The following VWA3B variants were observed in gnomAD, a reference collection of about 807,000 sequenced individuals.
VWA3B encodes von Willebrand factor A domain-containing protein 3B.
A neutral mutation model predicts 158.3 loss-of-function variants in VWA3B; 138 were observed. The observed-to-expected ratio is 0.87, with a 90% CI of 0.76 to 1.00. The LOEUF (loss-of-function observed/expected upper bound fraction) is 1.00. Among genes scored for constraint, VWA3B ranks in the 50% least tolerant of loss-of-function variants. VWA3B has a pLI of 0.00. For synonymous variants in VWA3B, 596 were observed against 587.3 expected (o/e 1.01, Z -0.21); for missense variants, 1,555 against 1,565.1 (o/e 0.99, Z 0.11).
chr2:98,212,094 G>T, intron 13 of VWA3B, 66 bp downstream of exon 13: 1 of 1,463,652 alleles, frequency 6.8e-7, no homozygotes, highest in African/African-American at 1.4e-5. Flanking sequence ...CTGGAAATGG[G>T]TCTGGGGGAC....
intron 7 of VWA3B, among the ~76,000 whole-genome samples, chr2:98,146,135 A>G (rs1482692507): frequency 1.5e-4 from 23 of 152,048 alleles, no homozygotes; most frequent in Admixed American, 1.4e-3. Context: ...CAGGGAGATG[A>G]TGGCTTCATA....
intron 14 of VWA3B, among the ~76,000 whole-genome samples, chr2:98,222,174 G>T (rs1346879972): frequency 6.6e-6 from 1 of 152,124 alleles, no homozygotes; most frequent in African/African-American, 2.4e-5. Flanking sequence ...TGCTAGGTGG[G>T]CTACTCATAC....
chr2:98,224,615 G>A (rs919282171), intron 14 of VWA3B, among the ~76,000 whole-genome samples: 7 of 151,816 alleles, frequency 4.6e-5, no homozygotes, highest in Non-Finnish European at 1.0e-4. Flanking sequence ...ATAACCTGAA[G>A]GAAGGCAAGG....
At chr2:98,099,929 T>C (rs1432999172) in intron 2 of VWA3B, among the ~76,000 whole-genome samples, 8 of 152,194 alleles carry the variant, frequency 5.3e-5, no homozygotes, top group African/African-American at 1.7e-4. Flanking sequence ...CCAATCTCTC[T>C]GACATTTTTT....
intron 23 of VWA3B, among the ~76,000 whole-genome samples, chr2:98,297,297 G>T (rs992091015): frequency 6.6e-6 from 1 of 152,080 alleles, no homozygotes. Flanking sequence ...AGCCAGGCTG[G>T]TCTTGAACTC....
At chr2:98,288,128 A>C (rs1558764066) in intron 22 of VWA3B, among the ~76,000 whole-genome samples, 1 of 152,192 alleles carries the variant, frequency 6.6e-6, no homozygotes, top group African/African-American at 2.4e-5. Context: ...TTGGGACTCT[A>C]TTGATTGCCT....
Position 98,162,835 on chromosome 2 carries a change from G to A in VWA3B, c.989-16G>A, listed in dbSNP as rs371601043. On this transcript the variant is annotated splice_polypyrimidine_tract_variant and intron_variant, in intron 7 of 27. Coordinates refer to ENST00000477737, the MANE Select transcript of VWA3B (RefSeq NM_144992.5). ...CCTGTCTCAGCCGGCCGCTCATGCT[G>A]TGTCTCCCCTTTTAGGAGCTGGAGT... 1.2e-4 allele frequency: 194 copies of A among 1,612,832 alleles called. No individual in the cohort carries two copies. The highest frequency in any genetic ancestry group is 3.0e-4 in the Admixed American group (18 of 59,980).
chr2:98,282,971 T>C lies in VWA3B; in HGVS notation c.3046-7540T>C, dbSNP rs575778187. Among the ~76,000 whole-genome samples, 16 of 152,350 alleles carry C rather than the reference T, an allele frequency of 1.1e-4. 1 individual carries two copies. The South Asian group carries it at 3.3e-3, about 32-fold the overall frequency. ...GAATGGCTATTCTCTATCAGAAGAATTGGGAAGTGAGTGATAACTATAGAA... is the reference window on the plus strand; with the variant it reads ...GAATGGCTATTCTCTATCAGAAGAACTGGGAAGTGAGTGATAACTATAGAA... On this transcript the variant is annotated intron_variant, in intron 22 of 27. Transcript: ENST00000477737.
intron 20 of VWA3B, among the ~76,000 whole-genome samples, chr2:98,252,421 C>T (rs766956023): frequency 6.6e-6 from 1 of 152,076 alleles, no homozygotes; most frequent in Non-Finnish European, 1.5e-5. Context: ...ATATTTGAGT[C>T]CTATAATTAC....
the VWA3B span, among the ~76,000 whole-genome samples, chr2:98,321,836 T>C: frequency 6.6e-6 from 1 of 152,138 alleles, no homozygotes; most frequent in Non-Finnish European, 1.5e-5. Flanking sequence ...GGGCTAGTGG[T>C]GGAATGATAT....
At chr2:98,290,731 G>A in intron 23 of VWA3B, 109 bp downstream of exon 23, 2 of 758,256 alleles carry the variant, frequency 2.6e-6, no homozygotes, top group Middle Eastern at 4.7e-4. Context: ...TCATGAGCTG[G>A]CCTGAGCTAG....
At chr2:98,329,365 C>G in the VWA3B span, among the ~76,000 whole-genome samples, 1 of 151,912 alleles carries the variant, frequency 6.6e-6, no homozygotes, top group African/African-American at 2.4e-5. Flanking sequence ...AACTTCTACT[C>G]AAAAAAAGAT....
chr2:98,312,447 G>A lies in VWA3B; in HGVS notation c.*98G>A, dbSNP rs996785364. On this transcript the variant is annotated 3_prime_UTR_variant, in exon 28 of 28. Transcript: ENST00000477737. ...AAACTGGCCCCTCCGCGGAGGTAAGGCCGCCCTCCGCGCCGCCTATGCCTG... is the reference window on the plus strand; with the variant it reads ...AAACTGGCCCCTCCGCGGAGGTAAGACCGCCCTCCGCGCCGCCTATGCCTG... 1.6e-5 allele frequency: 23 copies of A among 1,434,026 alleles called. No homozygotes were observed. The African/African-American group carries it at 2.8e-4, about 18-fold the overall frequency. 88.8% of individuals were successfully genotyped at this position (1,434,026 alleles called of 1,614,324 possible). A position where few individuals can be genotyped will look rare whatever the true frequency, so the allele number is the denominator to read the frequency against.
chr2:98,156,673 T>G (rs1423810180), intron 7 of VWA3B, among the ~76,000 whole-genome samples: 19 of 151,912 alleles, frequency 1.3e-4, no homozygotes, highest in Non-Finnish European at 1.0e-4. Context: ...TCAGTTTTTT[T>G]TTTTTTTTTT....
At chr2:98,095,884 T>C (rs1682674857) in intron 2 of VWA3B, among the ~76,000 whole-genome samples, 1 of 152,204 alleles carries the variant, frequency 6.6e-6, no homozygotes, top group Non-Finnish European at 1.5e-5. Flanking sequence ...GATTATGTAG[T>C]TTTTTGTCCT....
rs986735926 is a variant in VWA3B at position 98,125,772 on chromosome 2, T to G, written c.703-2467T>G. On this transcript the variant is annotated intron_variant, in intron 5 of 27. Coordinates refer to ENST00000477737, the MANE Select transcript of VWA3B (RefSeq NM_144992.5). The surrounding 1 kb of genome is among the most constrained non-coding windows in gnomAD (Gnocchi z 4.1). ...TCCGCCTCCCAGGTTCACGCCATTC[T>G]CCTGCCTCAGCCTCCCCAGTAGCTG... Among the ~76,000 whole-genome samples, 1 of 152,192 alleles carries G rather than the reference T, an allele frequency of 6.6e-6. No individual in the cohort carries two copies. The highest frequency in any genetic ancestry group is 6.5e-5 in the Admixed American group (1 of 15,284).
intron 5 of VWA3B, chr2:98,122,138 G>T (rs561328057): frequency 6.6e-6 from 1 of 152,434 alleles, no homozygotes; most frequent in East Asian, 1.9e-4. Flanking sequence ...GAGCCACAGG[G>T]TCTGTGTTTC....
chr2:98,239,770 C>G (rs1685954562), intron 19 of VWA3B, among the ~76,000 whole-genome samples: 1 of 151,110 alleles, frequency 6.6e-6, no homozygotes, highest in East Asian at 1.9e-4. Flanking sequence ...AAAAATTAGC[C>G]AGGTGTGGTG....
chr2:98,281,509 G>A (rs553857301), intron 22 of VWA3B, among the ~76,000 whole-genome samples: 149 of 152,312 alleles, frequency 9.8e-4, no homozygotes, highest in African/African-American at 3.3e-3. Flanking sequence ...GTATTTAGTA[G>A]TGGGTGTTTT....
Sources: allele counts gnomAD v4.1 joint callset (sites outside exome capture counted in the v4.1 genomes callset), GRCh38; gene constraint gnomAD v4.1.1; non-coding constraint Gnocchi (gnomAD v3.1); transcripts MANE v1.5; gene names NCBI Gene and HGNC (gene_info 2026-07-23, HGNC 2026-07-21).